The following CLVS1 variants were observed in gnomAD, a reference collection of about 807,000 sequenced individuals.
The protein encoded by CLVS1 is clavesin 1.
In CLVS1, 10 loss-of-function variants were observed where a neutral mutation model predicts 33.1. That is an observed-to-expected ratio of 0.30 (90% CI 0.19 to 0.51). The LOEUF is 0.51. CLVS1 is among the 20% of genes least tolerant of loss of function. CLVS1 has a pLI of 0.97. For synonymous variants in CLVS1, 163 were observed against 166.1 expected, an observed-to-expected ratio of 0.98 and a Z score of 0.14; for missense variants, 343 against 433.4, an observed-to-expected ratio of 0.79 and a Z score of 1.85.
chr8:61,440,880 G>C (rs894275791), intron 3 of CLVS1, among the ~76,000 whole-genome samples: 1 of 152,270 alleles, frequency 6.6e-6, no homozygotes, highest in African/African-American at 2.4e-5. Context: ...ATTAAGATAC[G>C]GAGTGGTTGC....
chr8:61,439,695 A>C lies in CLVS1; in HGVS notation c.631-14446A>C, dbSNP rs73685034. ...TAACTGTAATCAGTATGTTCTTTAA[A>C]TGTATAGTCACATTGTCTGTTGCCT... On this transcript the variant is annotated intron_variant, in intron 3 of 5. Coordinates refer to ENST00000325897, the MANE Select transcript of CLVS1 (RefSeq NM_173519.3). 7.8e-3 allele frequency among the ~76,000 whole-genome samples: 1,190 copies of C among 152,342 alleles called. 19 individuals carry two copies. The highest frequency in any genetic ancestry group is 0.028 in the African/African-American group (1,144 of 41,584).
chr8:60,997,881 T>G, the CLVS1 span, among the ~76,000 whole-genome samples: 1 of 152,180 alleles, frequency 6.6e-6, no homozygotes, highest in African/African-American at 2.4e-5. Context: ...TCAAGTGGAG[T>G]TCACTCAAAA....
chr8:61,231,980 G>A (rs1165456296), intron 2 of CLVS1, among the ~76,000 whole-genome samples: 1 of 148,924 alleles, frequency 6.7e-6, no homozygotes, highest in African/African-American at 2.5e-5. Context: ...AGATCCTAGT[G>A]CTCAAAGGAG....
At chr8:61,083,651 G>A (rs566312517) in intron 1 of CLVS1, among the ~76,000 whole-genome samples, 2 of 152,076 alleles carry the variant, frequency 1.3e-5, no homozygotes, top group Non-Finnish European at 2.9e-5. Flanking sequence ...TGGAAAATTG[G>A]TAGGTAAATT....
intron 2 of CLVS1, among the ~76,000 whole-genome samples, chr8:61,159,360 G>A (rs1806710776): frequency 6.6e-6 from 1 of 152,068 alleles, no homozygotes; most frequent in Non-Finnish European, 1.5e-5. Flanking sequence ...GTTACTCCTG[G>A]GGCTGGCATG....
At chr8:61,206,623 C>G (rs1043937394) in intron 2 of CLVS1, among the ~76,000 whole-genome samples, 1 of 142,472 alleles carries the variant, frequency 7.0e-6, no homozygotes, top group African/African-American at 2.6e-5. Context: ...GAGTCTCGCT[C>G]TGTTGCCCAG....
chr8:61,307,312 G>T (rs1810664838), intron 2 of CLVS1, among the ~76,000 whole-genome samples: 2 of 152,184 alleles, frequency 1.3e-5, no homozygotes, highest in African/African-American at 2.4e-5. Flanking sequence ...TAAGGAAGAA[G>T]AGGCACTTTA....
intron 2 of CLVS1, among the ~76,000 whole-genome samples, chr8:61,257,586 A>G (rs957735060): frequency 1.3e-5 from 2 of 152,216 alleles, no homozygotes; most frequent in Non-Finnish European, 2.9e-5. Flanking sequence ...AAAAACCAGT[A>G]AGATCTGTAA....
chr8:61,454,347 C>G, intron 4 of CLVS1, 96 bp downstream of exon 4: 2 of 900,394 alleles, frequency 2.2e-6, no homozygotes, highest in South Asian at 2.8e-5. Flanking sequence ...CTTTTTCTCT[C>G]TTTCTCTCTT....
chr8:61,014,854 T>C, the CLVS1 span, among the ~76,000 whole-genome samples: 1 of 152,332 alleles, frequency 6.6e-6, no homozygotes, highest in African/African-American at 2.4e-5. Flanking sequence ...GCAGGCTCAA[T>C]AGATGTGGGG....
chr8:61,170,907 T>A (rs1210543958), intron 2 of CLVS1, among the ~76,000 whole-genome samples: 1 of 152,220 alleles, frequency 6.6e-6, no homozygotes, highest in Non-Finnish European at 1.5e-5. Context: ...ACAGTGTTTT[T>A]GAAAAGGAGT....
intron 2 of CLVS1, among the ~76,000 whole-genome samples, chr8:61,359,231 G>A (rs1043136766): frequency 2.6e-5 from 4 of 152,122 alleles, no homozygotes; most frequent in Admixed American, 1.3e-4. Context: ...TGTCCACCAC[G>A]TATGTTTAAG....
At chr8:61,112,358 A>C (rs1805645094) in intron 1 of CLVS1, among the ~76,000 whole-genome samples, 1 of 152,112 alleles carries the variant, frequency 6.6e-6, no homozygotes, top group Non-Finnish European at 1.5e-5. Flanking sequence ...TTTAATGTAA[A>C]ATTTCATGTA....
At chr8:61,140,722 C>T (rs964555195) in intron 2 of CLVS1, among the ~76,000 whole-genome samples, 2 of 152,058 alleles carry the variant, frequency 1.3e-5, no homozygotes, top group African/African-American at 4.8e-5. Context: ...CCACCATGCC[C>T]GGCTAAATTT....
intron 1 of CLVS1, among the ~76,000 whole-genome samples, chr8:61,089,013 A>G (rs944988524): frequency 2.6e-5 from 4 of 152,160 alleles, no homozygotes; most frequent in Non-Finnish European, 5.9e-5. Context: ...CATGTTAGCC[A>G]GGATGGTCTC....
chr8:61,192,626 A>C (rs199948027), intron 2 of CLVS1, among the ~76,000 whole-genome samples: 1 of 152,240 alleles, frequency 6.6e-6, no homozygotes, highest in Non-Finnish European at 1.5e-5. Flanking sequence ...CTCATCTGAC[A>C]AAGGGCTAAT....
chr8:61,357,943 G>A (rs966517700), intron 2 of CLVS1, among the ~76,000 whole-genome samples: 2 of 152,114 alleles, frequency 1.3e-5, no homozygotes, highest in African/African-American at 4.8e-5. Flanking sequence ...CCTTCCCACT[G>A]TGATATTCAG....
chr8:61,334,903 G>C (rs1439953122), intron 2 of CLVS1, among the ~76,000 whole-genome samples: 2 of 152,220 alleles, frequency 1.3e-5, no homozygotes, highest in Non-Finnish European at 2.9e-5. Flanking sequence ...CAGGAGACCA[G>C]AGTTTTATTA....
intron 3 of CLVS1, among the ~76,000 whole-genome samples, chr8:61,419,144 A>G (rs1473970654): frequency 6.6e-6 from 1 of 152,168 alleles, no homozygotes; most frequent in Non-Finnish European, 1.5e-5. Flanking sequence ...CATGTCTGTA[A>G]TCCCAGCACT....
Sources: gnomAD v4.1 joint callset for allele counts (sites outside exome capture counted in the v4.1 genomes callset) on GRCh38, gnomAD v4.1.1 for gene constraint, MANE v1.5 for transcripts, NCBI Gene and HGNC (gene_info 2026-07-23, HGNC 2026-07-21) for gene names.